ACVR1: variants seen among roughly 807,000 people sequenced by gnomAD.
The protein encoded by ACVR1 is activin receptor type-1.
In ACVR1, 38 loss-of-function variants were observed where a neutral mutation model predicts 57.1. The ratio of observed to expected loss-of-function variants is 0.67; its 90% CI spans 0.51 to 0.87. The LOEUF (loss-of-function observed/expected upper bound fraction) is 0.87. Among genes scored for constraint, ACVR1 ranks in the 40% least tolerant of loss-of-function variants. The pLI is 0.00. For synonymous variants in ACVR1, 212 were observed against 228.1 expected, an observed-to-expected ratio of 0.93 and a Z score of 0.63; for missense variants, 463 against 638.2, an observed-to-expected ratio of 0.73 and a Z score of 2.96.
chr2:157,797,360 T>C (rs562337688), intron 3 of ACVR1, among the ~76,000 whole-genome samples: 10 of 152,298 alleles, frequency 6.6e-5, no homozygotes, highest in African/African-American at 2.4e-4. Context: ...TCATCATTTA[T>C]ATAAAGAAGA....
In ACVR1 at chr2:157,784,860, A is replaced by G. The variant is rs567444699; in HGVS notation, c.68-4260T>C. ...GCCGGACTAGCAGAGAGAGAGGCAGACCAAAGAACATCGTGGACTTTTAAA... is the reference window on the plus strand; with the variant it reads ...GCCGGACTAGCAGAGAGAGAGGCAGGCCAAAGAACATCGTGGACTTTTAAA... On this transcript the variant is annotated intron_variant, in intron 3 of 10. Transcript: ENST00000434821. Among the ~76,000 whole-genome samples, 6 of 152,346 alleles carry G rather than the reference A, an allele frequency of 3.9e-5. No individual in the cohort carries two copies. The South Asian group carries it at 1.0e-3, about 26-fold the overall frequency.
In ACVR1 at chr2:157,736,769, T is replaced by C. The variant is rs112908089; in HGVS notation, c.*762A>G. ...AACTGATAATAAAAGAAAATGTCCA[T>C]TTTAGAGTATAGTGTTAAAAACATT... On this transcript the variant is annotated 3_prime_UTR_variant, in exon 11 of 11. Coordinates refer to ENST00000434821, the MANE Select transcript of ACVR1 (RefSeq NM_001111067.4). 171 of 344,638 alleles carry C rather than the reference T, an allele frequency of 5.0e-4. No individual in the cohort carries two copies. Among genetic ancestry groups the C allele is most frequent in the Non-Finnish European group, 7.9e-4 (149 of 187,862 alleles). The allele number at this position is 344,638 out of a possible 1,614,324, so 21.3% of individuals were successfully genotyped here. A position where few individuals can be genotyped will look rare whatever the true frequency, so the allele number is the denominator to read the frequency against.
In ACVR1 at chr2:157,866,523, G is replaced by C. The variant is rs78853416; in HGVS notation, c.-183+9273C>G. 2.5e-4 allele frequency among the ~76,000 whole-genome samples: 38 copies of C among 152,288 alleles called. 1 individual carries two copies. The East Asian group carries it at 5.6e-3, about 22-fold the overall frequency. On this transcript the variant is annotated intron_variant, in intron 1 of 10. Coordinates refer to ENST00000434821, the MANE Select transcript of ACVR1 (RefSeq NM_001111067.4). ...AAAGCAAGGATAAATCTCAAGCAGA[G>C]AGCATTTTCCTCTGGCATTTTTTTC...
chr2:157,817,813 A>C (rs955441666), intron 2 of ACVR1, among the ~76,000 whole-genome samples: 56 of 152,174 alleles, frequency 3.7e-4, no homozygotes, highest in African/African-American at 1.3e-3. Context: ...AGCCTGGCCA[A>C]TATGGTGAAA....
At chr2:157,756,622 G>T (rs988199401) in intron 9 of ACVR1, among the ~76,000 whole-genome samples, 2 of 151,922 alleles carry the variant, frequency 1.3e-5, no homozygotes, top group African/African-American at 2.4e-5. Context: ...ACTTACTTGC[G>T]CAAGAATGGC....
chr2:157,851,156 C>A (rs147048143), intron 1 of ACVR1, among the ~76,000 whole-genome samples: 2 of 151,950 alleles, frequency 1.3e-5, no homozygotes, highest in East Asian at 3.9e-4. Flanking sequence ...ACCTAGCAAA[C>A]GGAAAGTTAA....
At chr2:157,779,633 T>C (rs905082071) in intron 4 of ACVR1, among the ~76,000 whole-genome samples, 4 of 152,082 alleles carry the variant, frequency 2.6e-5, no homozygotes, top group Non-Finnish European at 4.4e-5. Context: ...TACTATATGG[T>C]AAGAGAATAA....
In ACVR1 at chr2:157,737,658, G is replaced by A. The variant is rs145780526; in HGVS notation, c.1403C>T (p.Thr468Ile). The A allele has an allele frequency of 2.6e-5, 42 of 1,613,974 alleles. No homozygotes were observed. The highest frequency in any genetic ancestry group is 3.6e-5 in the Non-Finnish European group (42 of 1,179,970). ...PNRWFSDPTL[T>I]SLAKLMKECW... ...TTCTTTCATTAGCTTGGCCAGAGAGGTTAATGTCTGAGGAGAGAAAGAACA... is the reference window on the plus strand; with the variant it reads ...TTCTTTCATTAGCTTGGCCAGAGAGATTAATGTCTGAGGAGAGAAAGAACA... Residue 468 changes from threonine (T) to isoleucine (I), a missense_variant, in exon 11 of 11, where the codon ACC (threonine) becomes ATC (isoleucine). Physicochemically the swap from Thr to Ile is moderately conservative, Grantham distance 89. Around this residue, in one of 3 missense-constraint regions of ACVR1, gnomAD observed 146 missense variants for 186.6 expected, o/e 0.78. Coordinates refer to ENST00000434821, the MANE Select transcript of ACVR1 (RefSeq NM_001111067.4).
chr2:157,808,367 T>C (rs887691723), intron 2 of ACVR1, among the ~76,000 whole-genome samples: 1 of 152,192 alleles, frequency 6.6e-6, no homozygotes, highest in African/African-American at 2.4e-5. Flanking sequence ...AGGTGAAGTT[T>C]AAGTTTTATA....
intron 9 of ACVR1, among the ~76,000 whole-genome samples, chr2:157,750,918 G>A (rs1356729634): frequency 6.6e-6 from 1 of 151,946 alleles, no homozygotes; most frequent in African/African-American, 2.4e-5. Context: ...ATCAAACAGA[G>A]GTTGGGGAAA....
At chr2:157,837,352 A>C (rs969667923) in intron 1 of ACVR1, among the ~76,000 whole-genome samples, 1 of 152,210 alleles carries the variant, frequency 6.6e-6, no homozygotes, top group African/African-American at 2.4e-5. Flanking sequence ...GTCTGAGCAC[A>C]GCCTTACCTG....
intron 1 of ACVR1, among the ~76,000 whole-genome samples, chr2:157,859,348 AG>A (rs1257381415): frequency 6.6e-6 from 1 of 152,232 alleles, no homozygotes; most frequent in Non-Finnish European, 1.5e-5. Flanking sequence ...TGGTCTAAAA[AG>A]GGGAGACATC....
intron 9 of ACVR1, among the ~76,000 whole-genome samples, chr2:157,743,350 C>G (rs1684849693): frequency 1.3e-5 from 2 of 152,140 alleles, no homozygotes; most frequent in East Asian, 3.9e-4. Flanking sequence ...CTGTATACCT[C>G]AACCACAGTG....
chr2:157,864,610 C>T (rs1186679248), intron 1 of ACVR1, among the ~76,000 whole-genome samples: 8 of 152,096 alleles, frequency 5.3e-5, no homozygotes, highest in African/African-American at 1.7e-4. Context: ...GAAATCCAAT[C>T]ATCTTTTTAA....
In ACVR1 at chr2:157,780,613, G is replaced by T; in HGVS notation, c.68-13C>A. ...TTGGGCTTCTCATCTGCAAAGGAGAGAAAGGAAGGGGAAAAAAAAAAAAAA... is the reference window on the plus strand; with the variant it reads ...TTGGGCTTCTCATCTGCAAAGGAGATAAAGGAAGGGGAAAAAAAAAAAAAA... On this transcript the variant is annotated splice_polypyrimidine_tract_variant and intron_variant, in intron 3 of 10. Coordinates refer to ENST00000434821, the MANE Select transcript of ACVR1 (RefSeq NM_001111067.4). 6.3e-7 allele frequency: 1 copy of T among 1,597,460 alleles called. No individual in the cohort carries two copies. The highest frequency in any genetic ancestry group is 8.5e-7 in the Non-Finnish European group (1 of 1,174,386).
chr2:157,814,059 A>G (rs1332009596), intron 2 of ACVR1, among the ~76,000 whole-genome samples: 2 of 152,258 alleles, frequency 1.3e-5, no homozygotes, highest in African/African-American at 4.8e-5. Context: ...TTTTTACATT[A>G]CTGTATAGCC....
chr2:157,764,609 G>A (rs1045558328), intron 8 of ACVR1, among the ~76,000 whole-genome samples: 3 of 152,058 alleles, frequency 2.0e-5, no homozygotes, highest in East Asian at 1.9e-4. Context: ...ATCCGCCTTC[G>A]CCCTCACTGT....
At chr2:157,839,544 A>G (rs935621278) in intron 1 of ACVR1, among the ~76,000 whole-genome samples, 2 of 152,224 alleles carry the variant, frequency 1.3e-5, no homozygotes. Context: ...GTGTTTTCAG[A>G]GACAAACAAA....
At chr2:157,855,762 A>G (rs2105370915) in intron 1 of ACVR1, among the ~76,000 whole-genome samples, 1 of 152,264 alleles carries the variant, frequency 6.6e-6, no homozygotes, top group Non-Finnish European at 1.5e-5. Flanking sequence ...TGTCTGAATT[A>G]TACTTGCAGG....
Sources: gnomAD v4.1 joint callset for allele counts (sites outside exome capture counted in the v4.1 genomes callset) on GRCh38, gnomAD v4.1.1 for gene constraint, gnomAD v4.1.1 regional missense constraint, MANE v1.5 for transcripts, NCBI Gene and HGNC (gene_info 2026-07-23, HGNC 2026-07-21) for gene names.